Variants in DAPK1 observed in about 807,000 individuals in gnomAD.
The protein encoded by DAPK1 is death-associated protein kinase 1.
DAPK1 carries 56 observed loss-of-function variants against 144.9 expected under a neutral mutation model. That is an observed-to-expected ratio of 0.39 (90% CI 0.31 to 0.48). DAPK1 has a LOEUF of 0.48. Among genes scored for constraint, DAPK1 ranks in the 20% least tolerant of loss-of-function variants. The probability of loss-of-function intolerance (pLI) is 0.95; values close to 1 mark genes in which losing one functional copy is unlikely to be tolerated. For synonymous variants in DAPK1, 690 were observed against 749.0 expected, an observed-to-expected ratio of 0.92 and a Z score of 1.29; for missense variants, 1,454 against 1,875.4, an observed-to-expected ratio of 0.78 and a Z score of 4.15.
chr9:87,526,644 G>A (rs750605341), intron 2 of DAPK1, among the ~76,000 whole-genome samples: 3 of 152,104 alleles, frequency 2.0e-5, no homozygotes, highest in African/African-American at 4.8e-5. Context: ...ATTCTAACCA[G>A]GTATATTTGG....
At chr9:87,603,314 T>C (rs1013752362) in intron 2 of DAPK1, among the ~76,000 whole-genome samples, 3 of 152,206 alleles carry the variant, frequency 2.0e-5, no homozygotes, top group African/African-American at 7.2e-5. Flanking sequence ...TGGATTTTGG[T>C]TGTAATGAAG....
intron 3 of DAPK1, among the ~76,000 whole-genome samples, chr9:87,612,239 G>A (rs1413972167): frequency 2.0e-5 from 3 of 152,144 alleles, no homozygotes; most frequent in South Asian, 4.1e-4. Context: ...CATTCAAACC[G>A]TAGCACCATA....
Position 87,511,514 on chromosome 9 carries a change from A to T in DAPK1, c.62+12375A>T, listed in dbSNP as rs1462914931. 2.0e-5 allele frequency among the ~76,000 whole-genome samples: 3 copies of T among 152,332 alleles called. No homozygotes were observed. The East Asian group carries it at 5.8e-4, about 29-fold the overall frequency. On this transcript the variant is annotated intron_variant, in intron 2 of 25. Coordinates refer to ENST00000408954, the MANE Select transcript of DAPK1 (RefSeq NM_004938.4). Reference sequence around the variant, plus strand: ...GACAACTAAAAGCCGCTCTGTAGCCAGGAGGAGTTAGCTGCTCAGCAAGAA... The same window carrying T: ...GACAACTAAAAGCCGCTCTGTAGCCTGGAGGAGTTAGCTGCTCAGCAAGAA...
At chr9:87,516,834 G>A (rs1348518123) in intron 2 of DAPK1, among the ~76,000 whole-genome samples, 1 of 152,144 alleles carries the variant, frequency 6.6e-6, no homozygotes, top group Non-Finnish European at 1.5e-5. Flanking sequence ...AGGATATTGT[G>A]CAAAAGGAAG....
intron 10 of DAPK1, 117 bp from the exon 11 acceptor site, chr9:87,643,259 C>T (rs191729809): frequency 1.4e-4 from 86 of 620,588 alleles, no homozygotes; most frequent in African/African-American, 1.2e-3. Context: ...AACACGATCT[C>T]GCAGGCTTTG....
intron 2 of DAPK1, among the ~76,000 whole-genome samples, chr9:87,539,483 A>AC (rs1486248070): frequency 2.8e-5 from 4 of 142,854 alleles, no homozygotes; most frequent in African/African-American, 1.1e-4. Flanking sequence ...AGGCTGGAGT[A>AC]CAGTGGTATG....
intron 2 of DAPK1, among the ~76,000 whole-genome samples, chr9:87,599,830 G>A (rs1311599883): frequency 6.6e-6 from 1 of 152,184 alleles, no homozygotes; most frequent in East Asian, 1.9e-4. Flanking sequence ...TTACCTTCTT[G>A]TGAGTCTCTG....
rs1445498813 is a variant in DAPK1 at position 87,708,193 on chromosome 9, A to T, written c.*829A>T. ...GTCCACATGAAACCTACACACTGTC[A>T]TGCTTCATCATTCCCTCTCATCTCA... On this transcript the variant is annotated 3_prime_UTR_variant, in exon 26 of 26. Coordinates refer to ENST00000408954, the MANE Select transcript of DAPK1 (RefSeq NM_004938.4). 4.5e-6 allele frequency: 1 copy of T among 222,944 alleles called. No individual in the cohort carries two copies. Among genetic ancestry groups the T allele is most frequent in the African/African-American group, 2.3e-5 (1 of 43,160 alleles). The allele number at this position is 222,944 out of a possible 1,614,324, so 13.8% of individuals were successfully genotyped here.
chr9:87,551,044 C>T (rs1256194211), intron 2 of DAPK1, among the ~76,000 whole-genome samples: 1 of 152,184 alleles, frequency 6.6e-6, no homozygotes, highest in Non-Finnish European at 1.5e-5. Context: ...GGCCAGCAGC[C>T]GGGATGGCTC....
chr9:87,625,327 G>A (rs1279341335), intron 3 of DAPK1, among the ~76,000 whole-genome samples: 1 of 152,226 alleles, frequency 6.6e-6, no homozygotes, highest in Non-Finnish European at 1.5e-5. Flanking sequence ...GTAAGTCTAT[G>A]GTGTGCTGGT....
intron 2 of DAPK1, among the ~76,000 whole-genome samples, chr9:87,562,298 T>C (rs1826958785): frequency 6.6e-6 from 1 of 152,200 alleles, no homozygotes. Context: ...CGTGAGTTAG[T>C]TGGAGCCTTG....
intron 3 of DAPK1, among the ~76,000 whole-genome samples, chr9:87,629,237 G>A (rs36210037): frequency 0.038 from 5,860 of 152,270 alleles, 383 homozygotes; most frequent in African/African-American, 0.13. Context: ...TGTGGAGGGC[G>A]GTCTACAGGG....
intron 15 of DAPK1, 130 bp from the exon 16 acceptor site, chr9:87,649,791 A>G: frequency 6.3e-6 from 5 of 792,680 alleles, no homozygotes; most frequent in South Asian, 1.5e-5. Context: ...TCACTCCAAT[A>G]CCTATGAGCT....
Position 87,667,122 on chromosome 9 carries a change from C to A in DAPK1, c.1924-1475C>A, listed in dbSNP as rs1056016608. ...ATGGAGAACCCCTTCTCTTTATGGA[C>A]TTTTCTTGTGTCCACAAAAAAACTA... On this transcript the variant is annotated intron_variant, in intron 18 of 25. Transcript: ENST00000408954. Among the ~76,000 whole-genome samples, 3 of 152,158 alleles carry A rather than the reference C, an allele frequency of 2.0e-5. No homozygotes were observed. In the South Asian group the frequency reaches 6.2e-4, roughly 32 times the overall value.
chr9:87,651,759 A>G lies in DAPK1; in HGVS notation c.1824+35A>G, dbSNP rs368899134. On this transcript the variant is annotated intron_variant, in intron 17 of 25. Transcript: ENST00000408954. ...GAGAACAGGATCCCTACAGCTTCCA[A>G]CTGTGTCCATCCACCCGATTCTGGG... The G allele has an allele frequency of 1.3e-5, 21 of 1,587,526 alleles. No homozygotes were observed. The African/African-American group carries it at 1.9e-4, about 14-fold the overall frequency.
At chr9:87,675,087 C>T (rs959849054) in intron 19 of DAPK1, among the ~76,000 whole-genome samples, 1 of 152,116 alleles carries the variant, frequency 6.6e-6, no homozygotes, top group African/African-American at 2.4e-5. Context: ...GGCCTACAAC[C>T]CACTGCCTGC....
At chr9:87,561,728 C>T (rs1414054988) in intron 2 of DAPK1, among the ~76,000 whole-genome samples, 1 of 152,170 alleles carries the variant, frequency 6.6e-6, no homozygotes, top group African/African-American at 2.4e-5. Flanking sequence ...GCCCCTTAGA[C>T]AGCAGTTTAC....
chr9:87,701,468 T>A (rs1825449683), intron 24 of DAPK1, among the ~76,000 whole-genome samples: 1 of 152,218 alleles, frequency 6.6e-6, no homozygotes, highest in Admixed American at 6.5e-5. Flanking sequence ...AAAATTTTTT[T>A]CTAGCAAACA....
chr9:87,691,848 T>C (rs2117966786), intron 21 of DAPK1, among the ~76,000 whole-genome samples: 1 of 152,304 alleles, frequency 6.6e-6, no homozygotes, highest in Non-Finnish European at 1.5e-5. Context: ...GAGGAGATAC[T>C]TGATATGATT....
Sources: allele counts gnomAD v4.1 joint callset (sites outside exome capture counted in the v4.1 genomes callset), GRCh38; gene constraint gnomAD v4.1.1; transcripts MANE v1.5; gene names NCBI Gene and HGNC (gene_info 2026-07-23, HGNC 2026-07-21).